Variants in PRMT2 observed in about 807,000 individuals in gnomAD.
PRMT2 encodes the protein protein arginine methyltransferase 2, also known as protein arginine N-methyltransferase 2.
Under a neutral mutation model 57.6 loss-of-function variants are expected in PRMT2, and 26 were observed. The observed-to-expected ratio is 0.45, with a 90% CI of 0.33 to 0.63. The LOEUF is 0.63. Ranked by LOEUF, PRMT2 falls within the 20% of genes least tolerant of loss-of-function variation. The pLI is 0.02. For synonymous variants in PRMT2, 219 were observed against 220.0 expected (o/e 1.00, Z 0.04); for missense variants, 472 against 564.4 (o/e 0.84, Z 1.66).
intron 3 of PRMT2, among the ~76,000 whole-genome samples, chr21:46,639,637 A>T: frequency 6.9e-6 from 1 of 145,630 alleles, no homozygotes. Context: ...CTTTTTTTTA[A>T]TGCTAATATA....
intron 3 of PRMT2, among the ~76,000 whole-genome samples, chr21:46,639,148 T>C (rs1385816825): frequency 6.6e-6 from 1 of 152,202 alleles, no homozygotes; most frequent in Non-Finnish European, 1.5e-5. Context: ...TCTAAACATA[T>C]TGGAAATTTT....
At chr21:46,638,660 A>G (rs1230330789) in intron 3 of PRMT2, among the ~76,000 whole-genome samples, 2 of 152,230 alleles carry the variant, frequency 1.3e-5, no homozygotes, top group Non-Finnish European at 2.9e-5. Flanking sequence ...TGGGTTAGAA[A>G]TGGTATTTTG....
intron 7 of PRMT2, among the ~76,000 whole-genome samples, chr21:46,650,741 T>A (rs1260164328): frequency 6.6e-6 from 1 of 152,000 alleles, no homozygotes; most frequent in Non-Finnish European, 1.5e-5. Flanking sequence ...GTGTGGGCGG[T>A]GATACGGGGA....
chr21:46,644,499 C>A lies in PRMT2; in HGVS notation c.327+11C>A, dbSNP rs202026392. ...AGCTATGGAACTCTGGTATTGCTTT[C>A]TAAATTCCCTGTTCAGCTGGCCAGG... On this transcript the variant is annotated intron_variant, in intron 5 of 11. Transcript: ENST00000355680. 2 of 1,567,046 alleles carry A rather than the reference C, an allele frequency of 1.3e-6. No individual in the cohort carries two copies. Among genetic ancestry groups the A allele is most frequent in the Non-Finnish European group, 1.7e-6 (2 of 1,159,132 alleles).
At position 46,649,051 on chromosome 21, in the gene PRMT2, C is replaced by T. The variant is rs993826283; in HGVS notation, c.489+432C>T. Among the ~76,000 whole-genome samples the T allele has an allele frequency of 6.6e-6, 1 of 152,126 alleles. No individual in the cohort carries two copies. Among genetic ancestry groups the T allele is most frequent in the African/African-American group, 2.4e-5 (1 of 41,404 alleles). On this transcript the variant is annotated intron_variant, in intron 6 of 11. Transcript: ENST00000355680. This position sits in a 1 kb window ranked among gnomAD's most constrained non-coding sequence, Gnocchi z 4.8. ...CCCCTCTTAGGCCGTCTATACTGTGCTGAGCTGAGCCGAGCTGCAGCCTTG... is the reference window on the plus strand; with the variant it reads ...CCCCTCTTAGGCCGTCTATACTGTGTTGAGCTGAGCCGAGCTGCAGCCTTG...
At chr21:46,662,769 A>G (rs2061650148) in intron 10 of PRMT2, among the ~76,000 whole-genome samples, 1 of 152,162 alleles carries the variant, frequency 6.6e-6, no homozygotes, top group African/African-American at 2.4e-5. Context: ...AGGAACTTAG[A>G]GATGTTTCCA....
At position 46,649,052 on chromosome 21, in the gene PRMT2, T is replaced by TGAGCTGAGCC. The variant is rs1256349836; in HGVS notation, c.489+440_489+449dup. Among the ~76,000 whole-genome samples, 1 of 152,126 alleles carries TGAGCTGAGCC rather than the reference T, an allele frequency of 6.6e-6. No individual in the cohort carries two copies. Among genetic ancestry groups the TGAGCTGAGCC allele is most frequent in the Non-Finnish European group, 1.5e-5 (1 of 68,032 alleles). Reference sequence around the variant, plus strand: ...CCCTCTTAGGCCGTCTATACTGTGCTGAGCTGAGCCGAGCTGCAGCCTTGG... The same window carrying TGAGCTGAGCC: ...CCCTCTTAGGCCGTCTATACTGTGCTGAGCTGAGCCGAGCTGAGCCGAGCTGCAGCCTTGG... On this transcript the variant is annotated intron_variant, in intron 6 of 11. Transcript: ENST00000355680. The surrounding 1 kb of genome is among the most constrained non-coding windows in gnomAD (Gnocchi z 4.8).
chr21:46,644,228 GAT>G, intron 4 of PRMT2, 76 bp from the exon 5 acceptor site: 2 of 1,391,844 alleles, frequency 1.4e-6, no homozygotes, highest in Non-Finnish European at 2.0e-6. Flanking sequence ...TGTCACCATT[GAT>G]GGGATTTATC....
chr21:46,652,381 A>C (rs1310922660), intron 7 of PRMT2: 3 of 1,084,274 alleles, frequency 2.8e-6, no homozygotes, highest in Non-Finnish European at 3.4e-6. Flanking sequence ...AAAGAATTGC[A>C]GCTAAAGAAT....
chr21:46,646,226 T>TA (rs2061362980), intron 5 of PRMT2, among the ~76,000 whole-genome samples: 1 of 152,252 alleles, frequency 6.6e-6, no homozygotes, highest in Non-Finnish European at 1.5e-5. Flanking sequence ...ACTCTGCAGA[T>TA]ACTTTTTATT....
chr21:46,661,666 C>T (rs888557041), intron 9 of PRMT2, 134 bp from the exon 10 acceptor site: 79 of 964,052 alleles, frequency 8.2e-5, no homozygotes, highest in Non-Finnish European at 9.3e-5. Flanking sequence ...GGGTGGTTTC[C>T]CCAGGCTGGG....
At chr21:46,661,585 T>G in intron 9 of PRMT2, 1 of 383,758 alleles carries the variant, frequency 2.6e-6, no homozygotes, top group Non-Finnish European at 4.5e-6. Context: ...GGGTAGAAAA[T>G]TGGGCGCAAG....
intron 7 of PRMT2, chr21:46,653,605 C>A: frequency 8.7e-7 from 1 of 1,153,488 alleles, no homozygotes; most frequent in Non-Finnish European, 1.1e-6. Context: ...ACTTCTGGCC[C>A]CTTTGCTTGA....
chr21:46,644,214 A>AT, intron 4 of PRMT2, 92 bp from the exon 5 acceptor site: 2 of 1,291,964 alleles, frequency 1.5e-6, no homozygotes, highest in Non-Finnish European at 2.1e-6. Flanking sequence ...AATCTCTGTG[A>AT]TTTTGTCACC....
chr21:46,654,989 A>T (rs2061521062), intron 7 of PRMT2: 4 of 870,926 alleles, frequency 4.6e-6, no homozygotes, highest in Middle Eastern at 1.2e-3. Flanking sequence ...TTCTTTTGAA[A>T]ACTGCAAATT....
At chr21:46,652,438 A>AC (rs1468365058) in intron 7 of PRMT2, 59 of 1,046,320 alleles carry the variant, frequency 5.6e-5, no homozygotes, top group Non-Finnish European at 6.7e-5. Context: ...GATAAAGGTA[A>AC]CCTCATGGAA....
chr21:46,654,165 G>A (rs557319530), intron 7 of PRMT2: 62 of 978,016 alleles, frequency 6.3e-5, no homozygotes, highest in East Asian at 2.3e-4. Flanking sequence ...AATCAAATTT[G>A]TACAGAAATT....
At chr21:46,653,179 A>G in intron 7 of PRMT2, 1 of 985,416 alleles carries the variant, frequency 1.0e-6, no homozygotes, top group Non-Finnish European at 1.2e-6. Flanking sequence ...TAAGCAAAAG[A>G]AACAAAGTAA....
intron 7 of PRMT2, among the ~76,000 whole-genome samples, chr21:46,654,322 GT>G (rs746063094): frequency 6.6e-6 from 1 of 152,086 alleles, no homozygotes; most frequent in Non-Finnish European, 1.5e-5. Context: ...CATGTTGCTA[GT>G]TTTTAAAAAA....
Sources: allele counts gnomAD v4.1 joint callset (sites outside exome capture counted in the v4.1 genomes callset), GRCh38; gene constraint gnomAD v4.1.1; non-coding constraint Gnocchi (gnomAD v3.1); transcripts MANE v1.5; gene names NCBI Gene and HGNC (gene_info 2026-07-23, HGNC 2026-07-21).